The following SYNE2 variants were observed in gnomAD, a reference collection of about 807,000 sequenced individuals.
SYNE2 encodes spectrin repeat containing nuclear envelope protein 2.
A neutral mutation model predicts 856.3 loss-of-function variants in SYNE2; 431 were observed. The observed-to-expected ratio is 0.50, with a 90% CI of 0.47 to 0.55. SYNE2 has a LOEUF of 0.55. Among genes scored for constraint, SYNE2 ranks in the 20% least tolerant of loss-of-function variants. The pLI is 0.00. For synonymous variants in SYNE2, 2,923 were observed against 2,872.3 expected, an observed-to-expected ratio of 1.02 and a Z score of -0.56; for missense variants, 8,129 against 8,023.2, an observed-to-expected ratio of 1.01 and a Z score of -0.50.
At position 64,075,967 on chromosome 14, in the gene SYNE2, A is replaced by C; in HGVS notation, c.10889A>C (p.Lys3630Thr). The C allele has an allele frequency of 1.9e-6, 3 of 1,613,898 alleles. No homozygotes were observed. The highest frequency in any genetic ancestry group is 2.5e-6 in the Non-Finnish European group (3 of 1,179,846). The change falls in exon 54 of 116, where the codon AAA (lysine) becomes ACA (threonine). Residue 3630 changes from lysine (K) to threonine (T), a missense_variant. Lys to Thr is a moderately conservative substitution (Grantham distance 78). Around this residue, in one of 3 missense-constraint regions of SYNE2, gnomAD observed 5,410 missense variants for 5,284.8 expected, o/e 1.02. Transcript: ENST00000555002. ...QFEELQSILK[K>T]GKLTFENIME... is the part of the protein sequence containing the mutation. The stretch of plus-strand genomic sequence containing the variant: ...TAGGAGCTTCAAAGCATCCTTAAGA[A>C]AGGGAAACTAACTTTTGAGAATATT...
In SYNE2 at chr14:64,188,725, A is replaced by G. The variant is rs759004769; in HGVS notation, c.17871+17A>G. On this transcript the variant is annotated intron_variant, in intron 98 of 115. Coordinates refer to ENST00000555002, the MANE Select transcript of SYNE2 (RefSeq NM_182914.3). ...TTACAGAAGGTAAGGGAGGACACCC[A>G]GGTGGATGTAGTTATGACTACCATG... The G allele has an allele frequency of 1.2e-6, 2 of 1,613,738 alleles. No homozygotes were observed. The highest frequency in any genetic ancestry group is 1.7e-6 in the Non-Finnish European group (2 of 1,179,796).
At chr14:64,016,411 G>A in intron 32 of SYNE2, 62 bp from the exon 33 acceptor site, 1 of 1,113,822 alleles carries the variant, frequency 9.0e-7, no homozygotes, top group South Asian at 1.5e-5. Flanking sequence ...CAATAGAATT[G>A]TGATTCTTAG....
chr14:63,915,859 G>A (rs1186050325), intron 2 of SYNE2, among the ~76,000 whole-genome samples: 1 of 151,980 alleles, frequency 6.6e-6, no homozygotes, highest in Non-Finnish European at 1.5e-5. Flanking sequence ...CTGAAGGGAG[G>A]CTTTCAGTTT....
chr14:63,977,780 T>C, intron 12 of SYNE2, 125 bp from the exon 13 acceptor site: 1 of 703,238 alleles, frequency 1.4e-6, no homozygotes, highest in Non-Finnish European at 2.5e-6. Flanking sequence ...AAAAAAAAGG[T>C]GGGTTGTGGG....
chr14:64,090,159 A>G (rs999047310), intron 59 of SYNE2, among the ~76,000 whole-genome samples: 14 of 152,148 alleles, frequency 9.2e-5, no homozygotes, highest in Admixed American at 9.2e-4. Flanking sequence ...GATTGAGAGC[A>G]TGTGGTTTAG....
chr14:63,866,081 T>A (rs1377250483), intron 1 of SYNE2, among the ~76,000 whole-genome samples: 1 of 152,210 alleles, frequency 6.6e-6, no homozygotes, highest in Admixed American at 6.5e-5. Context: ...ATATCCCTGA[T>A]ATGTCCTCAG....
intron 99 of SYNE2, chr14:64,197,205 A>G (rs1016363958): frequency 6.6e-6 from 1 of 152,274 alleles, no homozygotes; most frequent in African/African-American, 2.4e-5. Context: ...TACAATAGAA[A>G]TCACCGATGA....
intron 46 of SYNE2, chr14:64,049,104 A>G (rs2097206416): frequency 1.3e-5 from 2 of 152,140 alleles, no homozygotes; most frequent in South Asian, 2.1e-4. Context: ...TGCTGGACCA[A>G]TGGTGAATTT....
Position 64,056,815 on chromosome 14 carries a change from C to T in SYNE2, c.10067+549C>T, listed in dbSNP as rs572963449. ...CCTCCCGAGTAGCTGGGATTACAGG[C>T]ATATGCCACCACGCCTGGCTAATTT... On this transcript the variant is annotated intron_variant, in intron 49 of 115. Transcript: ENST00000555002. 2.0e-5 allele frequency among the ~76,000 whole-genome samples: 3 copies of T among 152,110 alleles called. No homozygotes were observed. In the South Asian group the frequency reaches 6.2e-4, roughly 32 times the overall value.
intron 103 of SYNE2, among the ~76,000 whole-genome samples, chr14:64,210,947 C>T (rs2098637628): frequency 6.6e-6 from 1 of 152,118 alleles, no homozygotes; most frequent in Non-Finnish European, 1.5e-5. Context: ...CTGTCTCTCT[C>T]TCCTTTCCTG....
At chr14:64,071,634 C>G (rs943221698) in intron 52 of SYNE2, among the ~76,000 whole-genome samples, 2 of 152,148 alleles carry the variant, frequency 1.3e-5, no homozygotes, top group African/African-American at 4.8e-5. Flanking sequence ...AAATAGAGAT[C>G]AAAATACTTG....
intron 77 of SYNE2, among the ~76,000 whole-genome samples, chr14:64,133,132 G>C (rs528168841): frequency 1.5e-4 from 23 of 152,106 alleles, no homozygotes; most frequent in Non-Finnish European, 1.5e-4. Flanking sequence ...CGTGAACCCG[G>C]GAGGCAGACC....
rs771543644 is a variant in SYNE2, at chr14:64,143,725, TGACC to T, written c.15307-46_15307-43del. ...CACATAAAGGGAAATCCATTTGATC[TGACC>T]AACATTCATGACTGCTTTGGTGTTT... On this transcript the variant is annotated intron_variant, in intron 82 of 115. Coordinates refer to ENST00000555002, the MANE Select transcript of SYNE2 (RefSeq NM_182914.3). 154 of 1,605,014 alleles carry T rather than the reference TGACC, an allele frequency of 9.6e-5. 1 individual carries two copies. The African/African-American group carries it at 1.8e-3, about 19-fold the overall frequency.
chr14:64,186,377 C>T (rs1268132277), intron 96 of SYNE2, 47 bp from the exon 97 acceptor site: 6 of 1,612,560 alleles, frequency 3.7e-6, no homozygotes, highest in Admixed American at 3.3e-5. Context: ...GAAACAACAG[C>T]CGCTTGAGTT....
chr14:63,791,801 C>G (rs912836188), intron 1 of SYNE2, among the ~76,000 whole-genome samples: 1 of 151,888 alleles, frequency 6.6e-6, no homozygotes. Flanking sequence ...AAAAATTAGC[C>G]GGGCGTGGTG....
Position 63,986,578 on chromosome 14 carries a change from T to A in SYNE2, c.2274T>A (p.Asp758Glu). 13 of 1,614,164 alleles carry A rather than the reference T, an allele frequency of 8.1e-6. No homozygotes were observed. Among genetic ancestry groups the A allele is most frequent in the Non-Finnish European group, 1.1e-5 (13 of 1,180,022 alleles). The change falls in exon 19 of 116, where the codon GAT (aspartate) becomes GAA (glutamate). Residue 758 changes from aspartate (D) to glutamate (E), a missense_variant. Asp to Glu is a conservative substitution (Grantham distance 45). Around this residue, in one of 3 missense-constraint regions of SYNE2, gnomAD observed 2,422 missense variants for 2,357.4 expected, o/e 1.03. Coordinates refer to ENST00000555002, the MANE Select transcript of SYNE2 (RefSeq NM_182914.3). ...IWEAEAKSVL[D>E]QDDVDTSMEE... ...AGGCAGAAGCCAAATCTGTTTTGGA[T>A]CAAGATGATGTGGACACCTCAATGG...
intron 1 of SYNE2, among the ~76,000 whole-genome samples, chr14:63,770,451 GA>G (rs1385483002): frequency 1.3e-5 from 2 of 152,104 alleles, no homozygotes; most frequent in African/African-American, 4.8e-5. Flanking sequence ...AATTCCTGTG[GA>G]TGAAAGCTTC....
rs1171129561 is a variant in SYNE2, at chr14:63,921,815, A to G, written c.79+12588A>G. Reference sequence around the variant, plus strand: ...AGCCAGTGTAGACAACTCTTTCAAGAAGTTTGGATTTGAAGGGGAGGTGAG... The same window carrying G: ...AGCCAGTGTAGACAACTCTTTCAAGGAGTTTGGATTTGAAGGGGAGGTGAG... On this transcript the variant is annotated intron_variant, in intron 2 of 115. Coordinates refer to ENST00000555002, the MANE Select transcript of SYNE2 (RefSeq NM_182914.3). Among the ~76,000 whole-genome samples, 3 of 152,220 alleles carry G rather than the reference A, an allele frequency of 2.0e-5. No individual in the cohort carries two copies. In the South Asian group the frequency reaches 6.2e-4, roughly 32 times the overall value.
chr14:63,840,535 T>A (rs1890029651), intron 1 of SYNE2, among the ~76,000 whole-genome samples: 1 of 143,010 alleles, frequency 7.0e-6, no homozygotes, highest in African/African-American at 2.6e-5. Flanking sequence ...TTGAAAGGGG[T>A]CTCACTATAT....
Sources: gnomAD v4.1 joint callset for allele counts (sites outside exome capture counted in the v4.1 genomes callset) on GRCh38, gnomAD v4.1.1 for gene constraint, gnomAD v4.1.1 regional missense constraint, MANE v1.5 for transcripts, NCBI Gene and HGNC (gene_info 2026-07-23, HGNC 2026-07-21) for gene names.